The following ABCA2 variants were observed in gnomAD, a reference collection of about 807,000 sequenced individuals.
The protein encoded by ABCA2 is ATP binding cassette subfamily A member 2, also known as ATP-binding cassette sub-family A member 2.
ABCA2 carries 84 observed loss-of-function variants against 262.8 expected under a neutral mutation model. That is an observed-to-expected ratio of 0.32 (90% CI 0.27 to 0.38). The LOEUF is 0.38. Among genes scored for constraint, ABCA2 ranks in the 10% least tolerant of loss-of-function variants. ABCA2 has a pLI of 1.00. For synonymous variants in ABCA2, 1,696 were observed against 1,502.9 expected (o/e 1.13, Z -2.97); for missense variants, 2,662 against 3,405.9 (o/e 0.78, Z 5.44).
Position 137,010,335 on chromosome 9 carries a change from C to T in ABCA2, c.6211G>A (p.Val2071Ile), listed in dbSNP as rs746685482. 1.3e-5 allele frequency: 20 copies of T among 1,584,152 alleles called. No individual in the cohort carries two copies. Among genetic ancestry groups the T allele is most frequent in the Middle Eastern group, 1.7e-4 (1 of 6,040 alleles). Reference protein sequence around the residue: ...KSRKIGRILAVDRLCLGVRPG... With the variant: ...KSRKIGRILAIDRLCLGVRPG... The stretch of plus-strand genomic sequence containing the variant: ...CGCACACCCAGGCACAGGCGGTCAA[C>T]GGCCAGGATACGGCCAATCTTCCGG... The change falls in exon 41 of 49, where the codon GTT becomes ATT. Residue 2071 changes from valine to isoleucine, a missense_variant. By Grantham distance (29) the Val-to-Ile change is conservative. Transcript: ENST00000341511.
chr9:137,025,000 G>A (rs551153914), intron 1 of ABCA2, among the ~76,000 whole-genome samples: 7 of 152,234 alleles, frequency 4.6e-5, no homozygotes, highest in East Asian at 1.9e-4. Flanking sequence ...GGGTTTCACC[G>A]TGTTAGCCAG....
Position 137,017,176 on chromosome 9 carries a change from C to T in ABCA2, c.2553+20G>A, listed in dbSNP as rs1010981049. ...GGGGTGGCCCGGCACCCCAGCCGCC[C>T]GCCTGCCCGCGACCCTCACCGCGAT... On this transcript the variant is annotated intron_variant, in intron 18 of 48. Transcript: ENST00000341511. The T allele has an allele frequency of 3.1e-6, 5 of 1,611,838 alleles. No individual in the cohort carries two copies. The highest frequency in any genetic ancestry group is 2.2e-5 in the East Asian group (1 of 44,856).
chr9:137,016,850 C>T, intron 19 of ABCA2, 70 bp downstream of exon 19: 4 of 1,582,624 alleles, frequency 2.5e-6, no homozygotes. Context: ...GGAGTGGACA[C>T]AGACTGCTGG....
intron 16 of ABCA2, 37 bp from the exon 17 acceptor site, chr9:137,017,729 G>A: frequency 6.2e-7 from 1 of 1,608,838 alleles, no homozygotes; most frequent in Non-Finnish European, 8.5e-7. Flanking sequence ...AGGCCCCGGG[G>A]AGGACGCCGC....
At chr9:137,023,624 C>A in intron 3 of ABCA2, 1 of 708,368 alleles carries the variant, frequency 1.4e-6, no homozygotes, top group South Asian at 1.5e-5. Flanking sequence ...GACCCAGGCA[C>A]CAGCTGTGCC....
At chr9:137,010,582 A>AAC in intron 40 of ABCA2, 38 bp downstream of exon 40, 31 of 1,058,680 alleles carry the variant, frequency 2.9e-5, no homozygotes, top group Non-Finnish European at 4.3e-5. Flanking sequence ...GCCCTGGCCT[A>AAC]CCCCACCCAG....
intron 39 of ABCA2, 73 bp from the exon 40 acceptor site, chr9:137,010,810 C>T: frequency 6.6e-7 from 1 of 1,510,132 alleles, no homozygotes; most frequent in Non-Finnish European, 9.1e-7. Context: ...AGCCTCGCAT[C>T]CTCTGGCTGT....
At position 137,010,271 on chromosome 9, in the gene ABCA2, G is replaced by C; in HGVS notation, c.6275C>G (p.Ala2092Gly). Residue 2092 changes from alanine to glycine, a missense_variant, in exon 41 of 49, where the codon GCG becomes GGG. Physicochemically the swap from Ala to Gly is moderately conservative, Grantham distance 60. Transcript: ENST00000341511. ...CATCTTGAAGGTGCTGGTCTTGCCC[G>C]CACCGTTGACGCCCAGGAGCCCGAA... ...ECFGLLGVNG[A>G]GKTSTFKMLT... is the part of the protein sequence containing the mutation. The C allele has an allele frequency of 6.3e-7, 1 of 1,597,850 alleles. No individual in the cohort carries two copies. The highest frequency in any genetic ancestry group is 8.5e-7 in the Non-Finnish European group (1 of 1,173,398).
At position 137,016,694 on chromosome 9, in the gene ABCA2, A is replaced by C. The variant is rs771364012; in HGVS notation, c.2803T>G (p.Ser935Ala). The C allele has an allele frequency of 9.5e-6, 15 of 1,585,688 alleles. No individual in the cohort carries two copies. Among genetic ancestry groups the C allele is most frequent in the Non-Finnish European group, 1.3e-5 (15 of 1,166,280 alleles). ...PRPWYFPLQK[S>A]YWLGSGRTEA... ...GTCCGCCCACTGCCCAGCCAGTAGG[A>C]CTTCTGCAGTGGGAAGTACCAGGGC... is the stretch of plus-strand genomic sequence containing the variant. The change falls in exon 20 of 49, where the codon TCC (serine) becomes GCC (alanine). Residue 935 changes from serine (S) to alanine (A), a missense_variant. Coordinates refer to ENST00000341511, the MANE Select transcript of ABCA2 (RefSeq NM_001606.5).
rs1242613227 is a variant in ABCA2, at chr9:137,009,918, C to T, written c.6496-15G>A. Reference sequence around the variant, plus strand: ...CACTTCACCACCTGGCCAGGGAACGCAGGTGTCAGTGGAGGCAGGGCCACC... The same window carrying T: ...CACTTCACCACCTGGCCAGGGAACGTAGGTGTCAGTGGAGGCAGGGCCACC... On this transcript the variant is annotated splice_polypyrimidine_tract_variant and intron_variant, in intron 42 of 48. Transcript: ENST00000341511. 3 of 1,602,768 alleles carry T rather than the reference C, an allele frequency of 1.9e-6. No homozygotes were observed. Among genetic ancestry groups the T allele is most frequent in the East Asian group, 2.2e-5 (1 of 44,672 alleles).
At chr9:137,010,168 C>A (rs749736889) in intron 41 of ABCA2, 25 bp downstream of exon 41, 86 of 1,594,026 alleles carry the variant, frequency 5.4e-5, no homozygotes, top group Non-Finnish European at 7.2e-5. Flanking sequence ...GCGGCGGCCC[C>A]GCCCACCCAG....
At position 137,015,923 on chromosome 9, in the gene ABCA2, C is replaced by T. The variant is rs1163468879; in HGVS notation, c.3317+39G>A. The T allele has an allele frequency of 5.0e-6, 8 of 1,588,522 alleles. No individual in the cohort carries two copies. The African/African-American group carries it at 1.1e-4, about 21-fold the overall frequency. On this transcript the variant is annotated intron_variant, in intron 22 of 48. Transcript: ENST00000341511. The stretch of plus-strand genomic sequence containing the variant: ...CTGCTGCTATGCAGAGCCCCAGGGC[C>T]TCCGCCCACCTGCCCCGCCCCCCGC...
Position 137,010,977 on chromosome 9 carries a change from G to A in ABCA2, c.6052C>T (p.Pro2018Ser). 1.3e-6 allele frequency: 2 copies of A among 1,548,342 alleles called. No individual in the cohort carries two copies. Among genetic ancestry groups the A allele is most frequent in the South Asian group, 1.2e-5 (1 of 86,070 alleles). ...CCCACCCCGCCCCCCACTCACTGTG[G>A]CCGCCGCAGGAAGTTGTACTGGCAC... ...IMCQYNFLRRPQRMPVSTKPV... is the reference protein window; with the variant it reads ...IMCQYNFLRRSQRMPVSTKPV... The change falls in exon 39 of 49, where the codon CCA becomes TCA. Residue 2018 changes from proline to serine, a missense_variant. By Grantham distance (74) the Pro-to-Ser change is moderately conservative (BLOSUM62 -1). Coordinates refer to ENST00000341511, the MANE Select transcript of ABCA2 (RefSeq NM_001606.5).
In ABCA2 at chr9:137,016,122, C is replaced by T. The variant is rs2131448122; in HGVS notation, c.3157G>A (p.Gly1053Arg). Residue 1053 changes from glycine (G) to arginine (R), a missense_variant, in exon 22 of 49, where the codon GGG becomes AGG. Physicochemically the swap from Gly to Arg is moderately radical, Grantham distance 125. Around this residue, in one of 12 missense-constraint regions of ABCA2, gnomAD observed 180 missense variants for 307.3 expected, o/e 0.59. Transcript: ENST00000341511. ...TCCATCTCCGTGCGGATGTCGTGCC[C>T]GTAGATGGTGGCGGAACCCGACGTT... ...PPTSGSATIY[G>R]HDIRTEMDEI... The T allele has an allele frequency of 3.1e-6, 5 of 1,612,848 alleles. No homozygotes were observed. Among genetic ancestry groups the T allele is most frequent in the South Asian group, 1.1e-5 (1 of 91,088 alleles).
rs753985724 is a variant in ABCA2 at position 137,017,759 on chromosome 9, C to G, written c.2211+28G>C. 1.9e-6 allele frequency: 3 copies of G among 1,611,070 alleles called. No individual in the cohort carries two copies. The East Asian group carries it at 6.7e-5, about 36-fold the overall frequency. ...CGCCGCCCCTCCCTGCCAGCCCGCGCCTCCAGGGAGAGTCCCGGCCCGCGC... is the reference window on the plus strand; with the variant it reads ...CGCCGCCCCTCCCTGCCAGCCCGCGGCTCCAGGGAGAGTCCCGGCCCGCGC... On this transcript the variant is annotated intron_variant, in intron 16 of 48. Coordinates refer to ENST00000341511, the MANE Select transcript of ABCA2 (RefSeq NM_001606.5).
Position 137,008,976 on chromosome 9 carries a change from C to T in ABCA2, c.6905G>A (p.Arg2302His), listed in dbSNP as rs371695208. 2.0e-5 allele frequency: 31 copies of T among 1,567,548 alleles called. No individual in the cohort carries two copies. The highest frequency in any genetic ancestry group is 4.3e-5 in the African/African-American group (3 of 70,394). Reference sequence around the variant, plus strand: ...CTTGAGCATGGCTTCCGGGAAGTTGCGGTTGAAGAACCGCACCACGTCCTT... The same window carrying T: ...CTTGAGCATGGCTTCCGGGAAGTTGTGGTTGAAGAACCGCACCACGTCCTT... The part of the protein sequence containing the change: ...SVKDVVRFFN[R>H]NFPEAMLKER... Residue 2302 changes from arginine to histidine, a missense_variant, in exon 46 of 49, where the codon CGC (arginine) becomes CAC (histidine). Arg to His is a conservative substitution (Grantham distance 29). This residue lies in a region of ABCA2 where 212 missense variants were observed against 214.4 expected (regional missense o/e 0.99). Transcript: ENST00000341511.
Position 137,008,241 on chromosome 9 carries a change from G to A in ABCA2, c.7275+175C>T, listed in dbSNP as rs1396417876. 3.5e-6 allele frequency: 3 copies of A among 858,392 alleles called. No homozygotes were observed. The East Asian group carries it at 7.9e-5, about 23-fold the overall frequency. The allele number at this position is 858,392 out of a possible 1,614,324, so 53.2% of individuals were successfully genotyped here. A position where few individuals can be genotyped will look rare whatever the true frequency, so the allele number is the denominator to read the frequency against. Reference sequence around the variant, plus strand: ...GACTCTAGCAAGTCTGGACCATGCAGTTACGTCTCTCCAGGCCTATCTGCA... The same window carrying A: ...GACTCTAGCAAGTCTGGACCATGCAATTACGTCTCTCCAGGCCTATCTGCA... On this transcript the variant is annotated intron_variant, in intron 48 of 48. Coordinates refer to ENST00000341511, the MANE Select transcript of ABCA2 (RefSeq NM_001606.5).
At chr9:137,024,934 G>A (rs1334602788) in intron 1 of ABCA2, among the ~76,000 whole-genome samples, 1 of 152,166 alleles carries the variant, frequency 6.6e-6, no homozygotes, top group Non-Finnish European at 1.5e-5. Context: ...GAGTAGCTGG[G>A]ACTACAGGCG....
Position 137,016,908 on chromosome 9 carries a change from G to A in ABCA2, c.2758+12C>T, listed in dbSNP as rs1564222508. The stretch of plus-strand genomic sequence containing the variant: ...CCTGCCTCTCCCCTGCCCTCCAAGG[G>A]CTGGCCAGTACCTGGGTGCACAGCC... On this transcript the variant is annotated intron_variant, in intron 19 of 48. Coordinates refer to ENST00000341511, the MANE Select transcript of ABCA2 (RefSeq NM_001606.5). 5 of 1,610,880 alleles carry A rather than the reference G, an allele frequency of 3.1e-6. No homozygotes were observed. The highest frequency in any genetic ancestry group is 4.2e-6 in the Non-Finnish European group (5 of 1,178,938).
Sources: allele counts gnomAD v4.1 joint callset (sites outside exome capture counted in the v4.1 genomes callset), GRCh38; gene constraint gnomAD v4.1.1; regional missense constraint gnomAD v4.1.1; transcripts MANE v1.5; gene names NCBI Gene and HGNC (gene_info 2026-07-23, HGNC 2026-07-21).